ZFAND2A: variants seen among roughly 807,000 people sequenced by gnomAD.
The protein encoded by ZFAND2A is AN1-type zinc finger protein 2A.
In ZFAND2A, 20 loss-of-function variants were observed where a neutral mutation model predicts 11.6. The ratio of observed to expected loss-of-function variants is 1.72; its 90% confidence interval spans 1.21 to 2.50. The LOEUF is 2.50. Among genes scored for constraint, ZFAND2A ranks in the 30% most tolerant of loss-of-function variants. ZFAND2A has a pLI of 0.00. For missense variants in ZFAND2A, 234 were observed against 182.9 expected, an observed-to-expected ratio of 1.28 and a Z score of -1.61; for synonymous variants, 93 against 60.6, an observed-to-expected ratio of 1.54 and a Z score of -2.48.
At position 1,157,766 on chromosome 7, in the gene ZFAND2A, C is replaced by T. The variant is rs1793566146; in HGVS notation, c.56-16G>A. The stretch of plus-strand genomic sequence containing the variant: ...GGAAGAAAATCTAAAAAACAAAAAA[C>T]AGGGAAGTGTTTTAACGACTGGAAC... On this transcript the variant is annotated splice_polypyrimidine_tract_variant and intron_variant, in intron 2 of 4. Coordinates refer to ENST00000316495, the MANE Select transcript of ZFAND2A (RefSeq NM_182491.4). 1 of 1,534,032 alleles carries T rather than the reference C, an allele frequency of 6.5e-7. No homozygotes were observed. The highest frequency in any genetic ancestry group is 8.8e-7 in the Non-Finnish European group (1 of 1,140,100).
chr7:1,154,987 A>G (rs536514396), intron 4 of ZFAND2A, among the ~76,000 whole-genome samples: 9 of 152,268 alleles, frequency 5.9e-5, no homozygotes, highest in African/African-American at 2.2e-4. Flanking sequence ...ATGTGGTGGC[A>G]TGCGCCTGTA....
chr7:1,154,512 C>G (rs183940824), intron 4 of ZFAND2A, among the ~76,000 whole-genome samples: 87 of 152,232 alleles, frequency 5.7e-4, no homozygotes, highest in African/African-American at 2.0e-3. Context: ...GTGGAAGAAG[C>G]GGGTGTGCCA....
At chr7:1,149,520 G>A (rs748347881), downstream of ZFAND2A, among the ~76,000 whole-genome samples, 19 of 152,198 alleles carry the variant, frequency 1.2e-4, no homozygotes, top group Non-Finnish European at 2.2e-4. Flanking sequence ...GCCGGCCTAG[G>A]ACAGACACCA....
intron 1 of ZFAND2A, among the ~76,000 whole-genome samples, chr7:1,158,475 C>A (rs910102403): frequency 6.6e-6 from 1 of 152,212 alleles, no homozygotes; most frequent in African/African-American, 2.4e-5. Flanking sequence ...CTATGAAGCA[C>A]TCCTTGAACT....
chr7:1,152,530 A>T (rs1793418844), downstream of ZFAND2A, among the ~76,000 whole-genome samples: 1 of 152,312 alleles, frequency 6.6e-6, no homozygotes, highest in South Asian at 2.1e-4. Context: ...TACGAGTTGA[A>T]TCATGTCCCC....
chr7:1,155,548 G>A lies in ZFAND2A; in HGVS notation c.187C>T (p.Pro63Ser). Residue 63 changes from proline (P) to serine (S), a missense_variant, in exon 4 of 5, where the codon CCC (proline) becomes TCC (serine). By Grantham distance (74) the Pro-to-Ser change is moderately conservative. Transcript: ENST00000316495. The stretch of plus-strand genomic sequence containing the variant: ...ATCTGGCCCTTTTTTACTGGGATGG[G>A]GGTATTACAGAGTGGGCATACTGGG... ...HVPVCPLCNT[P>S]IPVKKGQIPD... 2 of 1,613,774 alleles carry A rather than the reference G, an allele frequency of 1.2e-6. No individual in the cohort carries two copies. Among genetic ancestry groups the A allele is most frequent in the East Asian group, 4.5e-5 (2 of 44,872 alleles).
chr7:1,156,611 C>A, intron 3 of ZFAND2A, among the ~76,000 whole-genome samples: 1 of 151,728 alleles, frequency 6.6e-6, no homozygotes, highest in African/African-American at 2.4e-5. Flanking sequence ...CGCCCAGCAG[C>A]TAACGCCCAG....
At chr7:1,150,905 T>TTTTTTTTTA (rs1793386489), downstream of ZFAND2A, among the ~76,000 whole-genome samples, 1 of 145,114 alleles carries the variant, frequency 6.9e-6, no homozygotes, top group African/African-American at 2.5e-5. Flanking sequence ...TTTTTTTTTT[T>TTTTTTTTTA]GAGATTCAGT....
chr7:1,155,042 C>T (rs987351178), intron 4 of ZFAND2A, among the ~76,000 whole-genome samples: 3 of 152,166 alleles, frequency 2.0e-5, no homozygotes, highest in Non-Finnish European at 2.9e-5. Flanking sequence ...CGCTTTAACC[C>T]GGGAGGCAGA....
intron 4 of ZFAND2A, 152 bp downstream of exon 4, chr7:1,155,301 G>A (rs991585501): frequency 1.8e-5 from 19 of 1,060,186 alleles, no homozygotes; most frequent in Middle Eastern, 7.0e-4. Context: ...CAGGCCCCTC[G>A]CAGTTTAGGA....
chr7:1,149,790 G>C (rs1382402733), downstream of ZFAND2A, among the ~76,000 whole-genome samples: 1 of 152,114 alleles, frequency 6.6e-6, no homozygotes, highest in Admixed American at 6.5e-5. Context: ...GTGCGGTCCA[G>C]CTTGCTGGGA....
downstream of ZFAND2A, among the ~76,000 whole-genome samples, chr7:1,151,717 C>T (rs1487060321): frequency 3.6e-5 from 5 of 137,798 alleles, no homozygotes; most frequent in East Asian, 1.0e-3. Flanking sequence ...TGAGATTGTG[C>T]CACTGCACTC....
chr7:1,155,640 A>AAACG, intron 3 of ZFAND2A, 56 bp from the exon 4 acceptor site: 14 of 1,592,580 alleles, frequency 8.8e-6, no homozygotes, highest in African/African-American at 1.4e-5. Context: ...AAACTCACAG[A>AAACG]AGTTTTAAAC....
At chr7:1,157,493 C>G (rs1793556222) in intron 3 of ZFAND2A, 163 bp downstream of exon 3, 2 of 640,110 alleles carry the variant, frequency 3.1e-6, no homozygotes, top group Admixed American at 2.9e-5. Context: ...TCTGTACTGC[C>G]TAACAGCAGG....
chr7:1,158,356 T>A (rs1446732717), intron 1 of ZFAND2A, 99 bp from the exon 2 acceptor site: 1 of 750,904 alleles, frequency 1.3e-6, no homozygotes, highest in African/African-American at 1.7e-5. Context: ...ACAAACGCAC[T>A]GTGTGGGGAG....
At chr7:1,158,648 C>T (rs1334656998) in intron 1 of ZFAND2A, among the ~76,000 whole-genome samples, 1 of 152,086 alleles carries the variant, frequency 6.6e-6, no homozygotes, top group Non-Finnish European at 1.5e-5. Flanking sequence ...CATCAGTTGA[C>T]TCCATTATCC....
In ZFAND2A at chr7:1,155,517, T is replaced by A; in HGVS notation, c.218A>T (p.Asp73Val). ...GTCAATGTGATCACCAACCACCACG[T>A]CTGGTATCTGGCCCTTTTTTACTGG... ...PIPVKKGQIP[D>V]VVVGDHIDRD... Residue 73 changes from aspartate to valine, a missense_variant, in exon 4 of 5, where the codon GAC becomes GTC. Physicochemically the swap from Asp to Val is radical, Grantham distance 152 (BLOSUM62 -3). Transcript: ENST00000316495. The A allele has an allele frequency of 1.2e-6, 2 of 1,613,792 alleles. No homozygotes were observed. The highest frequency in any genetic ancestry group is 1.7e-6 in the Non-Finnish European group (2 of 1,179,892).
intron 4 of ZFAND2A, among the ~76,000 whole-genome samples, chr7:1,154,994 T>C (rs1011893106): frequency 2.0e-5 from 3 of 152,198 alleles, no homozygotes; most frequent in African/African-American, 7.2e-5. Flanking sequence ...GGCATGCGCC[T>C]GTAGTCCCAG....
At chr7:1,157,885 A>C (rs1793569802) in intron 2 of ZFAND2A, 135 bp from the exon 3 acceptor site, 1 of 755,734 alleles carries the variant, frequency 1.3e-6, no homozygotes. Flanking sequence ...ACACATGTGA[A>C]AACAATCCCA....
Sources: allele counts gnomAD v4.1 joint callset (sites outside exome capture counted in the v4.1 genomes callset), GRCh38; gene constraint gnomAD v4.1.1; transcripts MANE v1.5; gene names NCBI Gene and HGNC (gene_info 2026-07-23, HGNC 2026-07-21).